CNOT6L: variants seen among roughly 807,000 people sequenced by gnomAD.
CNOT6L encodes CCR4-NOT transcription complex subunit 6-like.
A neutral mutation model predicts 64.0 loss-of-function variants in CNOT6L; 7 were observed. The ratio of observed to expected loss-of-function variants is 0.11; its 90% CI spans 0.06 to 0.21. The LOEUF (loss-of-function observed/expected upper bound fraction) is 0.21, where lower values mean the gene tolerates loss of function less well. Ranked by LOEUF, CNOT6L falls within the 10% of genes least tolerant of loss-of-function variation. The probability of loss-of-function intolerance (pLI) is 1.00; values close to 1 mark genes in which losing one functional copy is unlikely to be tolerated. For synonymous variants in CNOT6L, 193 were observed against 243.4 expected (o/e 0.79, Z 1.93); for missense variants, 245 against 669.0 (o/e 0.37, Z 6.99).
At chr4:77,720,998 T>C (rs1327940014) in intron 11 of CNOT6L, among the ~76,000 whole-genome samples, 1 of 152,174 alleles carries the variant, frequency 6.6e-6, no homozygotes, top group Non-Finnish European at 1.5e-5. Flanking sequence ...CTATTGGCTA[T>C]AATAAGTAGA....
At chr4:77,779,257 CAT>C (rs1183184606) in intron 1 of CNOT6L, among the ~76,000 whole-genome samples, 1 of 151,938 alleles carries the variant, frequency 6.6e-6, no homozygotes, top group East Asian at 1.9e-4. Flanking sequence ...GATCAATGAT[CAT>C]ATGCTTTATA....
chr4:77,747,966 A>G (rs1724396178), intron 6 of CNOT6L, among the ~76,000 whole-genome samples: 1 of 152,120 alleles, frequency 6.6e-6, no homozygotes, highest in South Asian at 2.1e-4. Context: ...ATCACCCAAT[A>G]CTCTCTATGA....
chr4:77,814,314 T>G (rs1280423631), intron 1 of CNOT6L, among the ~76,000 whole-genome samples: 1 of 152,204 alleles, frequency 6.6e-6, no homozygotes, highest in East Asian at 1.9e-4. Context: ...TGCACAATTG[T>G]TAATATACTA....
chr4:77,745,032 A>T (rs980940820), intron 6 of CNOT6L, among the ~76,000 whole-genome samples, 157 bp from the exon 7 acceptor site: 1 of 152,250 alleles, frequency 6.6e-6, no homozygotes, highest in Non-Finnish European at 1.5e-5. Flanking sequence ...AATCTACTAA[A>T]ACATCATTGG....
At chr4:77,727,885 G>A (rs1697223470) in intron 10 of CNOT6L, among the ~76,000 whole-genome samples, 1 of 152,120 alleles carries the variant, frequency 6.6e-6, no homozygotes, top group African/African-American at 2.4e-5. Flanking sequence ...AGAAAAAGAT[G>A]TTTTCAAGTT....
chr4:77,737,481 GCACGATCTTGGCTCACTGCAACCT>G (rs1310237529), intron 8 of CNOT6L, among the ~76,000 whole-genome samples: 1 of 142,746 alleles, frequency 7.0e-6, no homozygotes, highest in Admixed American at 7.4e-5. Context: ...GAGTGCAACG[GCACGATCTTGGCTCACTGCAACCT>G]CTGCCTCCCG....
chr4:77,738,792 T>C (rs1234768923), intron 8 of CNOT6L, among the ~76,000 whole-genome samples: 1 of 151,980 alleles, frequency 6.6e-6, no homozygotes, highest in Non-Finnish European at 1.5e-5. Flanking sequence ...ACTCAGTTTC[T>C]ACATATACAT....
At chr4:77,741,733 A>G (rs1286404721) in intron 8 of CNOT6L, among the ~76,000 whole-genome samples, 4 of 152,204 alleles carry the variant, frequency 2.6e-5, no homozygotes, top group Non-Finnish European at 5.9e-5. Flanking sequence ...TTTAGTGAAT[A>G]AATGATTTTA....
chr4:77,812,394 T>C (rs1813725), intron 1 of CNOT6L, among the ~76,000 whole-genome samples: 129,685 of 150,270 alleles, frequency 0.86, 56,195 homozygotes, highest in Non-Finnish European at 0.9. Context: ...GCCAAGACAG[T>C]GCCATTGCAC....
chr4:77,743,606 T>G (rs1723848870), intron 7 of CNOT6L, among the ~76,000 whole-genome samples: 1 of 109,904 alleles, frequency 9.1e-6, no homozygotes, highest in Admixed American at 1.0e-4. Flanking sequence ...TTTTTTTTTT[T>G]TTTTTTTTTT....
At position 77,719,842 on chromosome 4, in the gene CNOT6L, T is replaced by C. The variant is rs1037937473; in HGVS notation, c.*589A>G. 1 of 152,672 alleles carries C rather than the reference T, an allele frequency of 6.5e-6. No individual in the cohort carries two copies. The highest frequency in any genetic ancestry group is 1.5e-5 in the Non-Finnish European group (1 of 68,048). 9.5% of individuals were successfully genotyped at this position (152,672 alleles called of 1,614,324 possible). On this transcript the variant is annotated 3_prime_UTR_variant, in exon 12 of 12. Coordinates refer to ENST00000504123, the MANE Select transcript of CNOT6L (RefSeq NM_144571.3). ...TGTTACATGCTGGATTATAAAAGTA[T>C]ACTGTGCAACCATCTTTAATTTTTC...
chr4:77,818,335 C>A (rs1560445081), intron 1 of CNOT6L, among the ~76,000 whole-genome samples: 2 of 152,166 alleles, frequency 1.3e-5, no homozygotes, highest in African/African-American at 2.4e-5. Flanking sequence ...GCCTCTCCCC[C>A]TAGGAGGCAG....
At chr4:77,814,682 C>G (rs1733358553) in intron 1 of CNOT6L, among the ~76,000 whole-genome samples, 1 of 152,042 alleles carries the variant, frequency 6.6e-6, no homozygotes, top group African/African-American at 2.4e-5. Flanking sequence ...GAGAAGTTAA[C>G]CAGACTATTC....
chr4:77,772,924 A>G (rs1208555349), intron 4 of CNOT6L, among the ~76,000 whole-genome samples, 157 bp downstream of exon 4: 1 of 151,662 alleles, frequency 6.6e-6, no homozygotes, highest in Non-Finnish European at 1.5e-5. Context: ...CTCCGTCTCA[A>G]ACAAACAAAC....
At chr4:77,778,508 T>C (rs1161285217) in intron 1 of CNOT6L, among the ~76,000 whole-genome samples, 3 of 151,844 alleles carry the variant, frequency 2.0e-5, no homozygotes, top group African/African-American at 7.2e-5. Context: ...CAGGTTCAAG[T>C]GATTCTCCTG....
At chr4:77,763,925 C>A (rs952316194) in intron 4 of CNOT6L, among the ~76,000 whole-genome samples, 1 of 152,106 alleles carries the variant, frequency 6.6e-6, no homozygotes, top group Admixed American at 6.5e-5. Flanking sequence ...AATACTTAGA[C>A]CGAAACAGTA....
chr4:77,815,771 AAATGGTGGAGTC>A (rs1432420370), intron 1 of CNOT6L, among the ~76,000 whole-genome samples: 1 of 152,194 alleles, frequency 6.6e-6, no homozygotes, highest in African/African-American at 2.4e-5. Flanking sequence ...AGGCCCTAAG[AAATGGTGGAGTC>A]ACAAGATCTA....
At chr4:77,798,705 C>A (rs964149279) in intron 1 of CNOT6L, among the ~76,000 whole-genome samples, 2 of 152,062 alleles carry the variant, frequency 1.3e-5, no homozygotes, top group Non-Finnish European at 2.9e-5. Flanking sequence ...GGTAAACAGG[C>A]CAGGCACGGT....
rs559060496 is a variant in CNOT6L at position 77,750,172 on chromosome 4, A to G, written c.491-1788T>C. Among the ~76,000 whole-genome samples the G allele has an allele frequency of 4.3e-3, 653 of 152,334 alleles. 7 individuals are homozygous for G. The highest frequency in any genetic ancestry group is 0.012 in the Admixed American group (177 of 15,310). Reference sequence around the variant, plus strand: ...GTTATAGTATAAAATTTCTGCTGGTATAATTTTTGTATGTAAATGCCTACC... The same window carrying G: ...GTTATAGTATAAAATTTCTGCTGGTGTAATTTTTGTATGTAAATGCCTACC... On this transcript the variant is annotated intron_variant, in intron 5 of 11. Transcript: ENST00000504123.
Sources: allele counts gnomAD v4.1 joint callset (sites outside exome capture counted in the v4.1 genomes callset), GRCh38; gene constraint gnomAD v4.1.1; transcripts MANE v1.5; gene names NCBI Gene and HGNC (gene_info 2026-07-23, HGNC 2026-07-21).